Variants in HS6ST3 observed in about 807,000 individuals in gnomAD.
HS6ST3 encodes heparan-sulfate 6-O-sulfotransferase 3.
HS6ST3 carries 12 observed loss-of-function variants against 36.7 expected under a neutral mutation model. The observed-to-expected ratio is 0.33, with a 90% confidence interval of 0.21 to 0.53. The LOEUF is 0.53. HS6ST3 is among the 20% of genes least tolerant of loss of function. HS6ST3 has a pLI of 0.95. For synonymous variants in HS6ST3, 240 were observed against 257.5 expected (o/e 0.93, Z 0.65); for missense variants, 584 against 640.9 (o/e 0.91, Z 0.96).
chr13:96,754,055 G>T (rs1406258804), intron 1 of HS6ST3, among the ~76,000 whole-genome samples: 1 of 152,110 alleles, frequency 6.6e-6, no homozygotes, highest in Non-Finnish European at 1.5e-5. Flanking sequence ...CTGACCTCAA[G>T]TGATCCACCT....
chr13:96,441,081 C>T (rs940443918), intron 1 of HS6ST3, among the ~76,000 whole-genome samples: 13 of 152,126 alleles, frequency 8.5e-5, no homozygotes, highest in Non-Finnish European at 1.5e-5. Flanking sequence ...CTCCCTCCAC[C>T]ATATGCAGAT....
chr13:96,594,878 A>G (rs1219069293), intron 1 of HS6ST3, among the ~76,000 whole-genome samples: 1 of 152,136 alleles, frequency 6.6e-6, no homozygotes, highest in African/African-American at 2.4e-5. Flanking sequence ...TTCAATTTTA[A>G]GATGGCATTT....
chr13:96,300,017 A>G (rs951222907), intron 1 of HS6ST3, among the ~76,000 whole-genome samples: 3 of 149,546 alleles, frequency 2.0e-5, no homozygotes, highest in South Asian at 2.1e-4. Context: ...ACATGGCAGC[A>G]GGAGAGAAAG....
intron 1 of HS6ST3, among the ~76,000 whole-genome samples, chr13:96,171,047 ATTAG>A (rs1320202463): frequency 1.3e-5 from 2 of 152,244 alleles, no homozygotes; most frequent in Non-Finnish European, 2.9e-5. Context: ...CCACATATAG[ATTAG>A]TTAGATACCT....
intron 1 of HS6ST3, among the ~76,000 whole-genome samples, chr13:96,586,019 T>G (rs995412457): frequency 2.6e-5 from 4 of 152,310 alleles, no homozygotes; most frequent in African/African-American, 9.6e-5. Flanking sequence ...TTAATTACAT[T>G]CCCATCAAAA....
intron 1 of HS6ST3, among the ~76,000 whole-genome samples, chr13:96,135,035 G>A (rs1287433573): frequency 6.6e-6 from 1 of 152,140 alleles, no homozygotes; most frequent in East Asian, 1.9e-4. Context: ...GAAAGAAGAG[G>A]TCAGAGGGGA....
intron 1 of HS6ST3, among the ~76,000 whole-genome samples, chr13:96,754,471 T>C (rs1178634968): frequency 6.6e-6 from 1 of 152,214 alleles, no homozygotes; most frequent in East Asian, 1.9e-4. Context: ...TAATTATCCT[T>C]TCTTACACGG....
At chr13:96,741,232 T>G (rs2138485072) in intron 1 of HS6ST3, among the ~76,000 whole-genome samples, 1 of 152,306 alleles carries the variant, frequency 6.6e-6, no homozygotes. Flanking sequence ...TGAGCAACAT[T>G]TTCACAATCC....
At chr13:96,812,310 A>G (rs1362134110) in intron 1 of HS6ST3, among the ~76,000 whole-genome samples, 1 of 152,130 alleles carries the variant, frequency 6.6e-6, no homozygotes, top group African/African-American at 2.4e-5. Context: ...ATATTTCCCC[A>G]TATGCCTTTG....
At chr13:96,136,485 G>C (rs985276509) in intron 1 of HS6ST3, among the ~76,000 whole-genome samples, 1 of 151,890 alleles carries the variant, frequency 6.6e-6, no homozygotes, top group African/African-American at 2.4e-5. Context: ...ATCACATCTT[G>C]TGAGGAGTCT....
intron 1 of HS6ST3, among the ~76,000 whole-genome samples, chr13:96,274,328 T>C (rs1441669710): frequency 1.3e-5 from 2 of 151,898 alleles, no homozygotes; most frequent in Non-Finnish European, 2.9e-5. Context: ...TGTCAACCTT[T>C]TAACCAACCA....
intron 1 of HS6ST3, among the ~76,000 whole-genome samples, chr13:96,215,012 C>G (rs1319591465): frequency 3.9e-5 from 6 of 152,118 alleles, no homozygotes; most frequent in Non-Finnish European, 4.4e-5. Flanking sequence ...CCCACTTCCT[C>G]CCCGCTGAGA....
chr13:96,296,872 A>G (rs1302524500), intron 1 of HS6ST3, among the ~76,000 whole-genome samples: 2 of 152,142 alleles, frequency 1.3e-5, no homozygotes, highest in Non-Finnish European at 2.9e-5. Context: ...ACTTTAATTT[A>G]TTAACACAGT....
chr13:96,238,921 A>G (rs965651085), intron 1 of HS6ST3, among the ~76,000 whole-genome samples: 10 of 152,390 alleles, frequency 6.6e-5, no homozygotes, highest in African/African-American at 2.2e-4. Context: ...GTGACACAGC[A>G]TAAGTGGTAA....
intron 1 of HS6ST3, among the ~76,000 whole-genome samples, chr13:96,755,346 T>C (rs1057112586): frequency 6.6e-6 from 1 of 151,280 alleles, no homozygotes; most frequent in African/African-American, 2.4e-5. Flanking sequence ...TTCAGTTTTT[T>C]TGTTTTTTTG....
At chr13:96,672,109 C>T (rs1367676126) in intron 1 of HS6ST3, among the ~76,000 whole-genome samples, 2 of 152,076 alleles carry the variant, frequency 1.3e-5, no homozygotes. Flanking sequence ...TATTAATTTT[C>T]ATGATAAATA....
intron 1 of HS6ST3, among the ~76,000 whole-genome samples, chr13:96,774,307 A>G (rs1594857107): frequency 6.6e-6 from 1 of 152,206 alleles, no homozygotes; most frequent in African/African-American, 2.4e-5. Context: ...CCAGAAAGAG[A>G]ACAAAACTGG....
chr13:96,223,545 C>G (rs16951722), intron 1 of HS6ST3, among the ~76,000 whole-genome samples: 3,836 of 152,290 alleles, frequency 0.025, 60 homozygotes, highest in East Asian at 0.055. Context: ...AGAACCTTCC[C>G]TAGCATTGAC....
At chr13:96,686,750 G>A (rs955049149) in intron 1 of HS6ST3, among the ~76,000 whole-genome samples, 22 of 151,978 alleles carry the variant, frequency 1.4e-4, no homozygotes, top group East Asian at 1.9e-4. Flanking sequence ...TAACATTCTC[G>A]CTGTGGGGCT....
Sources: gnomAD v4.1 joint callset for allele counts (sites outside exome capture counted in the v4.1 genomes callset) on GRCh38, gnomAD v4.1.1 for gene constraint, MANE v1.5 for transcripts, NCBI Gene and HGNC (gene_info 2026-07-23, HGNC 2026-07-21) for gene names.